Variants in SLC26A11 observed in about 807,000 individuals in gnomAD.
The protein encoded by SLC26A11 is solute carrier family 26 member 11, also known as sodium-independent sulfate anion transporter.
A neutral mutation model predicts 62.2 loss-of-function variants in SLC26A11; 58 were observed. The ratio of observed to expected loss-of-function variants is 0.93; its 90% CI spans 0.76 to 1.16. The LOEUF (loss-of-function observed/expected upper bound fraction) is 1.16, where lower values mean the gene tolerates loss of function less well. SLC26A11 is among the 50% of genes most tolerant of loss of function. SLC26A11 has a pLI of 0.00. For missense variants in SLC26A11, 790 were observed against 794.3 expected (o/e 0.99, Z 0.06); for synonymous variants, 411 against 368.9 (o/e 1.11, Z -1.31).
intron 17 of SLC26A11, among the ~76,000 whole-genome samples, chr17:80,251,669 A>G (rs993875566): frequency 2.0e-5 from 3 of 151,814 alleles, no homozygotes; most frequent in African/African-American, 7.3e-5. Flanking sequence ...AGGCTGAAGC[A>G]GGAGAATCGC....
In SLC26A11 at chr17:80,252,911, G is replaced by T; in HGVS notation, c.*195G>T. On this transcript the variant is annotated 3_prime_UTR_variant, in exon 18 of 18. Transcript: ENST00000361193. The surrounding 1 kb of genome is among the most constrained non-coding windows in gnomAD (Gnocchi z 5.2). ...AGTGGGGCTCACTGGCTTCCTGTGG[G>T]ATGACTGGAAAATGACCTCGCTGCT... 1.8e-6 allele frequency: 1 copy of T among 545,042 alleles called. No homozygotes were observed. Among genetic ancestry groups the T allele is most frequent in the Non-Finnish European group, 3.3e-6 (1 of 305,722 alleles). 33.8% of individuals were successfully genotyped at this position (545,042 alleles called of 1,614,324 possible). A position where few individuals can be genotyped will look rare whatever the true frequency, so the allele number is the denominator to read the frequency against.
chr17:80,244,742 C>G (rs1324716811), intron 10 of SLC26A11, among the ~76,000 whole-genome samples: 1 of 151,640 alleles, frequency 6.6e-6, no homozygotes. Context: ...TTTGGGAGGT[C>G]GAAGCGGGTG....
chr17:80,241,315 G>A (rs762999871), intron 9 of SLC26A11, among the ~76,000 whole-genome samples: 4 of 152,196 alleles, frequency 2.6e-5, no homozygotes, highest in Admixed American at 6.5e-5. Flanking sequence ...ACTGGAGTGC[G>A]GTGGCACGAT....
chr17:80,240,013 A>G (rs1384569747), intron 9 of SLC26A11, among the ~76,000 whole-genome samples: 1 of 152,272 alleles, frequency 6.6e-6, no homozygotes, highest in Non-Finnish European at 1.5e-5. Flanking sequence ...TGCAGGGCCC[A>G]CAAAGCCTAA....
At chr17:80,224,380 C>T (rs7406751) in intron 5 of SLC26A11, among the ~76,000 whole-genome samples, 7 of 123,926 alleles carry the variant, frequency 5.6e-5, no homozygotes, top group Admixed American at 2.4e-4. Context: ...AGTGCGCGCG[C>T]GCGTGTGTGA....
chr17:80,221,846 C>T, intron 3 of SLC26A11, 52 bp downstream of exon 3: 1 of 1,525,726 alleles, frequency 6.6e-7, no homozygotes, highest in Non-Finnish European at 8.9e-7. Context: ...GTGCAGAATA[C>T]ACAGTATCAA....
In SLC26A11 at chr17:80,220,491, G is replaced by C. The variant is rs1220151258; in HGVS notation, c.-219G>C. 1 of 528,048 alleles carries C rather than the reference G, an allele frequency of 1.9e-6. No individual in the cohort carries two copies. Among genetic ancestry groups the C allele is most frequent in the Non-Finnish European group, 3.1e-6 (1 of 322,718 alleles). The allele number at this position is 528,048 out of a possible 1,614,324, so 32.7% of individuals were successfully genotyped here. Reference sequence around the variant, plus strand: ...CCAGGAGACCCCAAGCTGCATCGCCGAGTGGGTGAGTCCGTGGCCCGCGAG... The same window carrying C: ...CCAGGAGACCCCAAGCTGCATCGCCCAGTGGGTGAGTCCGTGGCCCGCGAG... On this transcript the variant is annotated 5_prime_UTR_variant, in exon 1 of 18. Transcript: ENST00000361193.
rs2042996462 is a variant in SLC26A11, at chr17:80,246,375, G to A, written c.1154-134G>A. 2 of 1,434,212 alleles carry A rather than the reference G, an allele frequency of 1.4e-6. No individual in the cohort carries two copies. Among genetic ancestry groups the A allele is most frequent in the African/African-American group, 2.8e-5 (2 of 71,358 alleles). 88.8% of individuals were successfully genotyped at this position (1,434,212 alleles called of 1,614,324 possible). A position where few individuals can be genotyped will look rare whatever the true frequency, so the allele number is the denominator to read the frequency against. ...GGGGGACCACAGGAGACTGAGCAGG[G>A]GCTGGGGGCCTTGGCAGTCGTCGCC... On this transcript the variant is annotated intron_variant, in intron 12 of 17. Coordinates refer to ENST00000361193, the MANE Select transcript of SLC26A11 (RefSeq NM_001166347.2). This position sits in a 1 kb window ranked among gnomAD's most constrained non-coding sequence, Gnocchi z 4.4.
intron 7 of SLC26A11, among the ~76,000 whole-genome samples, chr17:80,231,593 T>C (rs1442214035): frequency 1.3e-5 from 2 of 152,244 alleles, no homozygotes; most frequent in Non-Finnish European, 2.9e-5. Context: ...ACAGTTTTTA[T>C]ATATATGCTG....
rs1555629117 is a variant in SLC26A11, at chr17:80,238,811, G to GGTTTTTTTTTTTTTTTTTTTTTTTTT, written c.985+1217_985+1218insGTTTTTTTTTTTTTTTTTTTTTTTTT. Among the ~76,000 whole-genome samples the GGTTTTTTTTTTTTTTTTTTTTTTTTT allele has an allele frequency of 1.4e-4, 17 of 123,262 alleles. 2 individuals carry two copies. The highest frequency in any genetic ancestry group is 5.1e-4 in the African/African-American group (15 of 29,232). 80.9% of individuals were successfully genotyped at this position (123,262 alleles called of 152,430 possible). A position where few individuals can be genotyped will look rare whatever the true frequency, so the allele number is the denominator to read the frequency against. ...TCTAACCCTTACCCCCTTCAAAGGA[G>GGTTTTTTTTTTTTTTTTTTTTTTTTT]TTTTTTTTGTTTTTTGTTTTTTTTT... On this transcript the variant is annotated intron_variant, in intron 9 of 17. Coordinates refer to ENST00000361193, the MANE Select transcript of SLC26A11 (RefSeq NM_001166347.2).
chr17:80,236,879 C>A, intron 7 of SLC26A11, 49 bp from the exon 8 acceptor site: 1 of 1,572,446 alleles, frequency 6.4e-7, no homozygotes, highest in South Asian at 1.1e-5. Flanking sequence ...CGCGCTACCC[C>A]ACACTCGCCG....
chr17:80,221,596 G>C lies in SLC26A11; in HGVS notation c.36G>C (p.Arg12Ser). Reference protein sequence around the residue: ...PSSVTALGQARSSGPGMAPSA... With the variant: ...PSSVTALGQASSSGPGMAPSA... ...CGGTGACGGCGCTGGGTCAGGCCAGGTCCTCTGGCCCCGGGATGGCCCCGA... is the reference window on the plus strand; with the variant it reads ...CGGTGACGGCGCTGGGTCAGGCCAGCTCCTCTGGCCCCGGGATGGCCCCGA... The change falls in exon 3 of 18, where the codon AGG (arginine) becomes AGC (serine). Residue 12 changes from arginine (R) to serine (S), a missense_variant. Arg to Ser is a moderately radical substitution (Grantham distance 110, BLOSUM62 -1). Coordinates refer to ENST00000361193, the MANE Select transcript of SLC26A11 (RefSeq NM_001166347.2). 6.2e-7 allele frequency: 1 copy of C among 1,605,780 alleles called. No homozygotes were observed. Among genetic ancestry groups the C allele is most frequent in the South Asian group, 1.1e-5 (1 of 90,862 alleles).
rs1170822727 is a variant in SLC26A11 at position 80,222,708 on chromosome 17, C to T, written c.288C>T (p.Thr96=). Residue 96 remains threonine (T), a synonymous_variant, in exon 4 of 18, where the codon ACC becomes ACT. Coordinates refer to ENST00000361193, the MANE Select transcript of SLC26A11 (RefSeq NM_001166347.2). This position sits in a 1 kb window ranked among gnomAD's most constrained non-coding sequence, Gnocchi z 4.7. The part of the protein sequence containing the change: ...MGCFVYFFLG[T]SRDVTLGPTA... Reference sequence around the variant, plus strand: ...GCTTCGTGTATTTCTTCCTGGGCACCTCCCGGGATGTGACTCTGGGCCCCA... The same window carrying T: ...GCTTCGTGTATTTCTTCCTGGGCACTTCCCGGGATGTGACTCTGGGCCCCA... 2 of 1,614,140 alleles carry T rather than the reference C, an allele frequency of 1.2e-6. No homozygotes were observed. The highest frequency in any genetic ancestry group is 1.7e-5 in the Admixed American group (1 of 60,014).
At chr17:80,249,087 T>G in intron 15 of SLC26A11, 67 bp from the exon 16 acceptor site, 1 of 1,552,746 alleles carries the variant, frequency 6.4e-7, no homozygotes, top group Non-Finnish European at 8.7e-7. Flanking sequence ...AGAGCCTCCT[T>G]TGGCCTCTGC....
chr17:80,245,388 T>C, intron 11 of SLC26A11, 132 bp downstream of exon 11: 1 of 823,484 alleles, frequency 1.2e-6, no homozygotes, highest in Admixed American at 2.0e-5. Flanking sequence ...GAGGCAGGGC[T>C]GGGGGTCACC....
chr17:80,241,473 T>C (rs8081056), intron 9 of SLC26A11, among the ~76,000 whole-genome samples: 1,652 of 152,236 alleles, frequency 0.011, 25 homozygotes, highest in African/African-American at 0.037. Context: ...TTGCCCAGGC[T>C]GGTCTCGAAC....
At chr17:80,240,477 C>G (rs2042830645) in intron 9 of SLC26A11, among the ~76,000 whole-genome samples, 1 of 152,144 alleles carries the variant, frequency 6.6e-6, no homozygotes, top group Non-Finnish European at 1.5e-5. Context: ...TTCCAGTCAT[C>G]TCAACTGGTC....
At chr17:80,220,645 T>C (rs888047627) in intron 1 of SLC26A11, 149 bp downstream of exon 1, 3 of 269,130 alleles carry the variant, frequency 1.1e-5, no homozygotes, top group East Asian at 6.4e-5. Context: ...CCCCGCCGCG[T>C]CCCTACCCGG....
intron 7 of SLC26A11, among the ~76,000 whole-genome samples, chr17:80,235,441 C>T (rs572612001): frequency 3.3e-5 from 5 of 152,272 alleles, no homozygotes; most frequent in African/African-American, 1.2e-4. Flanking sequence ...ACTATAGCCT[C>T]AACCTCCCAG....
Sources: allele counts gnomAD v4.1 joint callset (sites outside exome capture counted in the v4.1 genomes callset), GRCh38; gene constraint gnomAD v4.1.1; non-coding constraint Gnocchi (gnomAD v3.1); transcripts MANE v1.5; gene names NCBI Gene and HGNC (gene_info 2026-07-23, HGNC 2026-07-21).